The following ZMIZ1 variants were observed in gnomAD, a reference collection of about 807,000 sequenced individuals.
The protein encoded by ZMIZ1 is zinc finger MIZ domain-containing protein 1.
Under a neutral mutation model 113.9 loss-of-function variants are expected in ZMIZ1, and 17 were observed. The ratio of observed to expected loss-of-function variants is 0.15; its 90% CI spans 0.10 to 0.22. The LOEUF is 0.22. Ranked by LOEUF, ZMIZ1 falls within the 10% of genes least tolerant of loss-of-function variation. The probability of loss-of-function intolerance (pLI) is 1.00; values close to 1 mark genes in which losing one functional copy is unlikely to be tolerated. For synonymous variants in ZMIZ1, 607 were observed against 603.1 expected, an observed-to-expected ratio of 1.01 and a Z score of -0.09; for missense variants, 1,059 against 1,477.8, an observed-to-expected ratio of 0.72 and a Z score of 4.65.
At chr10:79,258,731 TCATGAGCCTTC>T (rs1344796286) in intron 7 of ZMIZ1, among the ~76,000 whole-genome samples, 1 of 152,194 alleles carries the variant, frequency 6.6e-6, no homozygotes, top group Admixed American at 6.5e-5. Context: ...AGCTCCCCTT[TCATGAGCCTTC>T]CATGAGTCTG....
chr10:79,176,166 T>C (rs1846858732), intron 4 of ZMIZ1, among the ~76,000 whole-genome samples: 1 of 151,858 alleles, frequency 6.6e-6, no homozygotes, highest in Non-Finnish European at 1.5e-5. Flanking sequence ...CAGGATGACA[T>C]TCCAGGGCCA....
intron 7 of ZMIZ1, among the ~76,000 whole-genome samples, chr10:79,223,539 T>G (rs536078897): frequency 6.6e-6 from 1 of 152,346 alleles, no homozygotes; most frequent in East Asian, 1.9e-4. Context: ...CCCGGCCCTC[T>G]CAGAACTGAC....
At chr10:79,267,048 C>A (rs1851648899) in intron 7 of ZMIZ1, among the ~76,000 whole-genome samples, 1 of 152,240 alleles carries the variant, frequency 6.6e-6, no homozygotes, top group Admixed American at 6.5e-5. Flanking sequence ...GCTGCAAAGT[C>A]CCCCCAGCCC....
intron 7 of ZMIZ1, among the ~76,000 whole-genome samples, chr10:79,249,816 C>A (rs1411323759): frequency 6.6e-6 from 1 of 152,122 alleles, no homozygotes; most frequent in Non-Finnish European, 1.5e-5. Context: ...CTCTCCCTTT[C>A]CCCCCAATGC....
intron 11 of ZMIZ1, 100 bp from the exon 12 acceptor site, chr10:79,293,281 C>T: frequency 1.5e-6 from 2 of 1,375,724 alleles, no homozygotes; most frequent in South Asian, 1.5e-5. Flanking sequence ...CCTCCCCACT[C>T]CTCCACCTCC....
chr10:79,277,102 TG>T (rs2131972743), intron 7 of ZMIZ1, 78 bp from the exon 8 acceptor site: 1 of 1,437,572 alleles, frequency 7.0e-7, no homozygotes. Flanking sequence ...GCACCCAGTC[TG>T]GGGAGAGTTG....
chr10:79,185,602 C>T (rs1171959806), intron 4 of ZMIZ1, among the ~76,000 whole-genome samples: 5 of 152,120 alleles, frequency 3.3e-5, no homozygotes, highest in East Asian at 1.9e-4. Context: ...TCGCTATGTC[C>T]GGGGTAGGTC....
Position 79,082,514 on chromosome 10 carries a change from C to G in ZMIZ1, c.-337+13244C>G, listed in dbSNP as rs555721806. Among the ~76,000 whole-genome samples the G allele has an allele frequency of 4.6e-5, 7 of 152,334 alleles. No individual in the cohort carries two copies. The South Asian group carries it at 1.4e-3, about 32-fold the overall frequency. On this transcript the variant is annotated intron_variant, in intron 1 of 24. Transcript: ENST00000334512. ...GCCCAAACTATTGGAGCAGGAGGGA[C>G]CTGGGCAGCCAGTCTACTTAATGCC... is the stretch of plus-strand genomic sequence containing the variant.
At chr10:79,226,272 TG>T (rs897072341) in intron 7 of ZMIZ1, among the ~76,000 whole-genome samples, 1 of 152,158 alleles carries the variant, frequency 6.6e-6, no homozygotes, top group African/African-American at 2.4e-5. Context: ...ACCAGAGCTC[TG>T]GCCAGGCCAT....
intron 7 of ZMIZ1, among the ~76,000 whole-genome samples, chr10:79,253,383 G>T (rs929308164): frequency 1.9e-4 from 29 of 152,132 alleles, no homozygotes; most frequent in Admixed American, 1.4e-3. Flanking sequence ...ACATAGGAGG[G>T]GCACATGGGG....
chr10:79,199,420 C>G (rs4083556), intron 4 of ZMIZ1, among the ~76,000 whole-genome samples: 2,467 of 152,096 alleles, frequency 0.016, 73 homozygotes, highest in African/African-American at 0.057. Flanking sequence ...GCTGGAGAAT[C>G]GCTTGAACCT....
At chr10:79,258,805 C>T (rs758502240) in intron 7 of ZMIZ1, among the ~76,000 whole-genome samples, 2 of 152,196 alleles carry the variant, frequency 1.3e-5, no homozygotes, top group East Asian at 1.9e-4. Flanking sequence ...AGGCCTGCCC[C>T]AGGGCAGGCA....
chr10:79,258,880 C>T (rs1460258807), intron 7 of ZMIZ1, among the ~76,000 whole-genome samples: 1 of 152,198 alleles, frequency 6.6e-6, no homozygotes, highest in Non-Finnish European at 1.5e-5. Context: ...TCTGCTGAAA[C>T]TTTGGGGCGA....
intron 7 of ZMIZ1, among the ~76,000 whole-genome samples, chr10:79,225,094 G>A (rs1035611785): frequency 3.9e-5 from 6 of 152,116 alleles, no homozygotes; most frequent in South Asian, 2.1e-4. Flanking sequence ...CTTGGCACTC[G>A]AGTTAGCAGA....
chr10:79,264,561 C>T lies in ZMIZ1; in HGVS notation c.281-12620C>T, dbSNP rs1851474155. On this transcript the variant is annotated intron_variant, in intron 7 of 24. Coordinates refer to ENST00000334512, the MANE Select transcript of ZMIZ1 (RefSeq NM_020338.4). ...TGCCCTGCCGCCAGCAAATTTTTAT[C>T]CCTAGGGTAAGATGACAGAGGCCAG... is the stretch of plus-strand genomic sequence containing the variant. 2.6e-5 allele frequency among the ~76,000 whole-genome samples: 4 copies of T among 152,332 alleles called. No individual in the cohort carries two copies. The South Asian group carries it at 6.2e-4, about 24-fold the overall frequency.
intron 15 of ZMIZ1, 152 bp downstream of exon 15, chr10:79,298,732 G>A (rs1473284162): frequency 1.1e-5 from 9 of 787,556 alleles, no homozygotes; most frequent in Admixed American, 3.4e-5. Flanking sequence ...CACTCAAGGC[G>A]GGGTAGGCAG....
chr10:79,111,202 G>C (rs1843724472), intron 1 of ZMIZ1, among the ~76,000 whole-genome samples: 1 of 152,182 alleles, frequency 6.6e-6, no homozygotes, highest in Non-Finnish European at 1.5e-5. Context: ...CTTTACTGAA[G>C]AAACGAGGCC....
rs181859849 is a variant in ZMIZ1 at position 79,070,565 on chromosome 10, C to G, written c.-337+1295C>G. Among the ~76,000 whole-genome samples the G allele has an allele frequency of 4.7e-4, 71 of 152,166 alleles. No individual in the cohort carries two copies. The East Asian group carries it at 8.5e-3, about 18-fold the overall frequency. Reference sequence around the variant, plus strand: ...GCCCCCCACCCCTCCCCGGGGACAGCCGGTCGGCACTGCCGCCCAGCCCTA... The same window carrying G: ...GCCCCCCACCCCTCCCCGGGGACAGGCGGTCGGCACTGCCGCCCAGCCCTA... On this transcript the variant is annotated intron_variant, in intron 1 of 24. Transcript: ENST00000334512.
intron 24 of ZMIZ1, among the ~76,000 whole-genome samples, chr10:79,312,253 T>C (rs1283157522): frequency 6.6e-6 from 1 of 152,256 alleles, no homozygotes; most frequent in Admixed American, 6.5e-5. Context: ...CCTTCCCGCC[T>C]TCCCACCAGC....
Sources: gnomAD v4.1 joint callset for allele counts (sites outside exome capture counted in the v4.1 genomes callset) on GRCh38, gnomAD v4.1.1 for gene constraint, MANE v1.5 for transcripts, NCBI Gene and HGNC (gene_info 2026-07-23, HGNC 2026-07-21) for gene names.